The following ZNF69 variants were observed in gnomAD, a reference collection of about 807,000 sequenced individuals.
ZNF69 encodes the protein ZNF3.
In ZNF69, 47 loss-of-function variants were observed where a neutral mutation model predicts 50.9. That is an observed-to-expected ratio of 0.92 (90% CI 0.73 to 1.18). ZNF69 has a LOEUF of 1.18. ZNF69 is among the 50% of genes most tolerant of loss of function. ZNF69 has a pLI of 0.00. For missense variants in ZNF69, 717 were observed against 675.1 expected, an observed-to-expected ratio of 1.06 and a Z score of -0.69; for synonymous variants, 216 against 223.1, an observed-to-expected ratio of 0.97 and a Z score of 0.29.
chr19:11,974,492 G>C, the ZNF69 span, among the ~76,000 whole-genome samples: 2 of 151,466 alleles, frequency 1.3e-5, no homozygotes, highest in South Asian at 4.2e-4. Flanking sequence ...CACTGCCCCT[G>C]GCCTGTTTTA....
At chr19:11,948,537 T>G in the ZNF69 span, 672 of 1,610,414 alleles carry the variant, frequency 4.2e-4, 1 homozygote, top group Non-Finnish European at 5.6e-4. Flanking sequence ...AACCTAAAAA[T>G]AAGAAAGCCT....
the ZNF69 span, among the ~76,000 whole-genome samples, chr19:11,974,126 T>TTTCTTTCTTTTCTTTCTTTC: frequency 1.6e-4 from 9 of 55,080 alleles, no homozygotes; most frequent in Non-Finnish European, 3.7e-4. Flanking sequence ...TCTTTCTTTC[T>TTTCTTTCTTTTCTTTCTTTC]TTTCTTTCTT....
intron 1 of ZNF69, among the ~76,000 whole-genome samples, chr19:11,891,388 AAG>A (rs1977083983): frequency 6.6e-6 from 1 of 151,322 alleles, no homozygotes; most frequent in African/African-American, 2.4e-5. Flanking sequence ...AAAAAAAAAA[AAG>A]AAAAGAAAGA....
At chr19:11,977,698 C>T in the ZNF69 span, among the ~76,000 whole-genome samples, 1 of 152,120 alleles carries the variant, frequency 6.6e-6, no homozygotes, top group Non-Finnish European at 1.5e-5. Flanking sequence ...AAATCAACAA[C>T]AGCAAAAAAT....
the ZNF69 span, among the ~76,000 whole-genome samples, chr19:11,973,136 C>T: frequency 6.6e-6 from 1 of 152,144 alleles, no homozygotes; most frequent in Non-Finnish European, 1.5e-5. Flanking sequence ...CAGTCTTATA[C>T]AGAAACGTTT....
chr19:11,969,676 C>T, the ZNF69 span, among the ~76,000 whole-genome samples: 6 of 152,136 alleles, frequency 3.9e-5, no homozygotes, highest in Non-Finnish European at 5.9e-5. Context: ...TGGGATGCAG[C>T]GTCTCAAATC....
the ZNF69 span, among the ~76,000 whole-genome samples, chr19:11,964,402 A>C: frequency 2.6e-5 from 4 of 152,360 alleles, no homozygotes; most frequent in African/African-American, 9.6e-5. Flanking sequence ...TGTGAATATC[A>C]GGCTAGAGAC....
the ZNF69 span, among the ~76,000 whole-genome samples, chr19:11,974,602 T>C: frequency 1.2e-4 from 18 of 147,236 alleles, no homozygotes; most frequent in Non-Finnish European, 2.4e-4. Context: ...ATATTTTGCC[T>C]TTTTTTGGGC....
At chr19:11,927,422 TTAAA>T in the ZNF69 span, among the ~76,000 whole-genome samples, 12,636 of 143,026 alleles carry the variant, frequency 0.088, 934 homozygotes, top group African/African-American at 0.2. Flanking sequence ...CTGTCTCTAT[TTAAA>T]TAAATAAATA....
chr19:11,953,872 C>T, the ZNF69 span, among the ~76,000 whole-genome samples: 40 of 152,086 alleles, frequency 2.6e-4, no homozygotes, highest in Middle Eastern at 3.4e-3. Flanking sequence ...TTTCAGAATT[C>T]CACTTTACAC....
downstream of ZNF69, among the ~76,000 whole-genome samples, chr19:11,915,524 G>C (rs1034359756): frequency 6.6e-6 from 1 of 152,196 alleles, no homozygotes; most frequent in Admixed American, 6.5e-5. Context: ...CAGGCCCAAA[G>C]GGTGTTCATA....
At chr19:11,910,953 A>C (rs569287186), downstream of ZNF69, among the ~76,000 whole-genome samples, 1 of 152,328 alleles carries the variant, frequency 6.6e-6, no homozygotes, top group African/African-American at 2.4e-5. Context: ...CAGAATCTAC[A>C]AAGAACTTAA....
the ZNF69 span, chr19:11,948,568 A>G: frequency 8.7e-6 from 14 of 1,606,870 alleles, no homozygotes; most frequent in Middle Eastern, 1.7e-4. Flanking sequence ...CCCATCCATT[A>G]GAACACAAGA....
the ZNF69 span, among the ~76,000 whole-genome samples, chr19:11,925,874 G>A: frequency 6.6e-6 from 1 of 152,192 alleles, no homozygotes; most frequent in African/African-American, 2.4e-5. Flanking sequence ...GTGGTCCCGA[G>A]GCGGCTCAAG....
chr19:11,938,353 T>C, the ZNF69 span, among the ~76,000 whole-genome samples: 2 of 152,166 alleles, frequency 1.3e-5, no homozygotes, highest in Non-Finnish European at 2.9e-5. Context: ...TTATTTACAT[T>C]AGGTATATCT....
the ZNF69 span, among the ~76,000 whole-genome samples, chr19:11,932,819 A>G: frequency 6.8e-6 from 1 of 147,174 alleles, no homozygotes; most frequent in Admixed American, 6.7e-5. Flanking sequence ...TTGTATTTTT[A>G]GTAGAGACGG....
At chr19:11,895,601 G>A (rs962173282) in intron 1 of ZNF69, among the ~76,000 whole-genome samples, 4 of 152,188 alleles carry the variant, frequency 2.6e-5, no homozygotes, top group Non-Finnish European at 5.9e-5. Flanking sequence ...GAATGCAGTC[G>A]TGTAAGAAAT....
chr19:11,951,397 A>G, the ZNF69 span, among the ~76,000 whole-genome samples: 1 of 151,458 alleles, frequency 6.6e-6, no homozygotes, highest in Non-Finnish European at 1.5e-5. Flanking sequence ...CCCAGCTAGT[A>G]TTCGTATTTT....
the ZNF69 span, chr19:11,979,792 C>G: frequency 6.3e-7 from 1 of 1,577,390 alleles, no homozygotes; most frequent in Admixed American, 1.7e-5. Context: ...GAGAGAAACC[C>G]TATGAGTGTA....
Sources: gnomAD v4.1 joint callset for allele counts (sites outside exome capture counted in the v4.1 genomes callset) on GRCh38, gnomAD v4.1.1 for gene constraint, MANE v1.5 for transcripts, NCBI Gene and HGNC (gene_info 2026-07-23, HGNC 2026-07-21) for gene names.